NRG1: variants seen among roughly 807,000 people sequenced by gnomAD.
The protein encoded by NRG1 is pro-neuregulin-1, membrane-bound isoform.
NRG1 carries 18 observed loss-of-function variants against 63.8 expected under a neutral mutation model. The observed-to-expected ratio is 0.28, with a 90% CI of 0.19 to 0.42. NRG1 has a LOEUF of 0.42. NRG1 is among the 10% of genes least tolerant of loss of function. The pLI is 1.00. For missense variants in NRG1, 762 were observed against 814.7 expected, an observed-to-expected ratio of 0.94 and a Z score of 0.79; for synonymous variants, 302 against 301.3, an observed-to-expected ratio of 1.00 and a Z score of -0.02.
chr8:32,332,102 AT>A (rs1472051127), intron 1 of NRG1, among the ~76,000 whole-genome samples: 3 of 152,152 alleles, frequency 2.0e-5, no homozygotes, highest in Non-Finnish European at 4.4e-5. Context: ...CCTGGGCAGC[AT>A]AGCAAGACCC....
In NRG1 at chr8:32,741,973, A is replaced by AT. The variant is rs762136838; in HGVS notation, c.633-692dup. 8.6e-3 allele frequency: 11,544 copies of AT among 1,335,492 alleles called. 9 individuals carry two copies. The highest frequency in any genetic ancestry group is 0.01 in the Non-Finnish European group (9,890 of 974,590). The allele number at this position is 1,335,492 out of a possible 1,614,324, so 82.7% of individuals were successfully genotyped here. A position where few individuals can be genotyped will look rare whatever the true frequency, so the allele number is the denominator to read the frequency against. Reference sequence around the variant, plus strand: ...AGTCTGAAAGCTCAGTGTCTTTAGCATTTTTTTTTTGCTTACCACATTTTT... The same window carrying AT: ...AGTCTGAAAGCTCAGTGTCTTTAGCATTTTTTTTTTTGCTTACCACATTTTT... On this transcript the variant is annotated intron_variant, in intron 6 of 11. Coordinates refer to ENST00000356819, the Ensembl canonical transcript of NRG1.
At chr8:32,410,537 A>G (rs1423254561) in intron 1 of NRG1, among the ~76,000 whole-genome samples, 1 of 152,222 alleles carries the variant, frequency 6.6e-6, no homozygotes, top group African/African-American at 2.4e-5. Flanking sequence ...CAATTTAGGA[A>G]AATAAGTATT....
rs781078172 is a variant in NRG1 at position 31,927,862 on chromosome 8, T to TTTA, written c.37+288448_37+288450dup. 2.5e-3 allele frequency among the ~76,000 whole-genome samples: 376 copies of TTTA among 150,362 alleles called. 3 individuals carry two copies. Among genetic ancestry groups the TTTA allele is most frequent in the Non-Finnish European group, 3.0e-3 (200 of 67,508 alleles). ...TTGAGTATTTCTTTTTTTAAAAAAT[T>TTTA]TTATTATTATTATTATTATAATACT... is the stretch of plus-strand genomic sequence containing the variant. On this transcript the variant is annotated intron_variant, in intron 1 of 10. Coordinates refer to the NRG1 transcript ENST00000519301.
At chr8:31,760,248 A>G (rs906263681) in intron 1 of NRG1, among the ~76,000 whole-genome samples, 1 of 152,164 alleles carries the variant, frequency 6.6e-6, no homozygotes. Context: ...GAAGGGATCC[A>G]GTTTCAGCTT....
chr8:32,482,707 G>A (rs536120447), intron 1 of NRG1, among the ~76,000 whole-genome samples: 6 of 152,154 alleles, frequency 3.9e-5, no homozygotes, highest in Non-Finnish European at 5.9e-5. Context: ...GGAAATGCAT[G>A]GAGCAGAGAG....
intron 7 of NRG1, among the ~76,000 whole-genome samples, chr8:32,748,409 C>A (rs2129046987): frequency 7.7e-6 from 1 of 129,412 alleles, no homozygotes. Context: ...AAAGGAAGTC[C>A]TAGAGCCTTC....
chr8:32,770,022 G>T (rs887000449), downstream of NRG1, among the ~76,000 whole-genome samples: 1 of 152,172 alleles, frequency 6.6e-6, no homozygotes, highest in African/African-American at 2.4e-5. Context: ...AAGAGACAGA[G>T]AATGGGATAA....
chr8:31,932,532 C>T (rs536098873), intron 1 of NRG1, among the ~76,000 whole-genome samples: 1 of 152,290 alleles, frequency 6.6e-6, no homozygotes, highest in Non-Finnish European at 1.5e-5. Context: ...CTCTGGAGAT[C>T]ACTTGTTAAA....
At chr8:32,292,782 T>G (rs1854353570) in intron 1 of NRG1, among the ~76,000 whole-genome samples, 1 of 151,756 alleles carries the variant, frequency 6.6e-6, no homozygotes. Flanking sequence ...ACACTAACAT[T>G]CAGAAACAAT....
chr8:32,092,884 G>T (rs1433206461), intron 1 of NRG1, among the ~76,000 whole-genome samples: 3 of 152,174 alleles, frequency 2.0e-5, no homozygotes, highest in Non-Finnish European at 4.4e-5. Flanking sequence ...CAGCTGGACA[G>T]TTGTGTGACC....
intron 1 of NRG1, among the ~76,000 whole-genome samples, chr8:31,927,189 T>A (rs1834426226): frequency 6.6e-6 from 1 of 152,150 alleles, no homozygotes; most frequent in African/African-American, 2.4e-5. Context: ...TTACCTAATG[T>A]TACAGAGGTA....
chr8:31,688,629 TACAC>T (rs1809157216), intron 1 of NRG1, among the ~76,000 whole-genome samples: 1 of 152,208 alleles, frequency 6.6e-6, no homozygotes, highest in African/African-American at 2.4e-5. Context: ...TACACATATA[TACAC>T]TATGATTATA....
intron 1 of NRG1, among the ~76,000 whole-genome samples, chr8:32,244,417 A>T (rs1017656459): frequency 2.0e-5 from 3 of 152,206 alleles, no homozygotes. Context: ...GAACCAAAGC[A>T]GGGACTATAT....
chr8:32,365,320 G>A (rs1274133175), intron 1 of NRG1, among the ~76,000 whole-genome samples: 2 of 151,806 alleles, frequency 1.3e-5, no homozygotes, highest in African/African-American at 4.8e-5. Context: ...ATGATAAGTG[G>A]TTTATATTTC....
chr8:32,746,031 A>G (rs1218515378), intron 7 of NRG1, among the ~76,000 whole-genome samples: 2 of 152,124 alleles, frequency 1.3e-5, no homozygotes, highest in Non-Finnish European at 2.9e-5. Flanking sequence ...TTCATCAAAC[A>G]TGTATCTTGC....
chr8:32,063,840 T>G (rs1346669928), intron 1 of NRG1, among the ~76,000 whole-genome samples: 1 of 152,138 alleles, frequency 6.6e-6, no homozygotes, highest in African/African-American at 2.4e-5. Context: ...TTTTGTTTAA[T>G]AAACATTTCA....
intron 8 of NRG1, among the ~76,000 whole-genome samples, chr8:32,754,985 C>A (rs1204220330): frequency 6.6e-6 from 1 of 152,062 alleles, no homozygotes; most frequent in African/African-American, 2.4e-5. Flanking sequence ...TAAAGGAAAC[C>A]TTTCGTGGTA....
intron 1 of NRG1, among the ~76,000 whole-genome samples, chr8:32,211,715 CCTCTA>C (rs1844719886): frequency 6.6e-6 from 1 of 152,020 alleles, no homozygotes; most frequent in Non-Finnish European, 1.5e-5. Flanking sequence ...TGAATATTTT[CCTCTA>C]CTCTATTACT....
intron 1 of NRG1, among the ~76,000 whole-genome samples, chr8:31,954,254 G>A (rs938444125): frequency 1.3e-5 from 2 of 152,126 alleles, no homozygotes; most frequent in Non-Finnish European, 2.9e-5. Context: ...TAGAGGTGAA[G>A]ACACTGAAAT....
Sources: allele counts gnomAD v4.1 joint callset (sites outside exome capture counted in the v4.1 genomes callset), GRCh38; gene constraint gnomAD v4.1.1; transcripts MANE v1.5; gene names NCBI Gene and HGNC (gene_info 2026-07-23, HGNC 2026-07-21).